The following DAB1 variants were observed in gnomAD, a reference collection of about 807,000 sequenced individuals.
DAB1 encodes disabled homolog 1.
Under a neutral mutation model 64.6 loss-of-function variants are expected in DAB1, and 15 were observed. That is an observed-to-expected ratio of 0.23 (90% CI 0.16 to 0.36). The LOEUF (loss-of-function observed/expected upper bound fraction) is 0.36, where lower values mean the gene tolerates loss of function less well. DAB1 is among the 10% of genes least tolerant of loss of function. The pLI, the probability that DAB1 is intolerant of heterozygous loss-of-function variation, is 1.00. For synonymous variants in DAB1, 235 were observed against 251.9 expected, an observed-to-expected ratio of 0.93 and a Z score of 0.64; for missense variants, 596 against 706.7, an observed-to-expected ratio of 0.84 and a Z score of 1.78.
chr1:57,955,420 A>G (rs533308319), intron 5 of DAB1, among the ~76,000 whole-genome samples: 1 of 152,338 alleles, frequency 6.6e-6, no homozygotes, highest in East Asian at 1.9e-4. Flanking sequence ...CTGTCAGTCA[A>G]GCCCACATGC....
intron 3 of DAB1, among the ~76,000 whole-genome samples, chr1:58,384,513 T>A (rs909524712): frequency 6.6e-6 from 1 of 152,050 alleles, no homozygotes; most frequent in African/African-American, 2.4e-5. Flanking sequence ...GTATGATGAG[T>A]CAGGGTTCTC....
At chr1:57,339,231 C>T (rs1039621347) in intron 1 of DAB1, among the ~76,000 whole-genome samples, 9 of 151,732 alleles carry the variant, frequency 5.9e-5, no homozygotes, top group Non-Finnish European at 1.2e-4. Context: ...TCTCTGCTCA[C>T]GGCAAGCTCC....
intron 3 of DAB1, among the ~76,000 whole-genome samples, chr1:58,406,525 A>C (rs1644616716): frequency 6.6e-6 from 1 of 152,150 alleles, no homozygotes; most frequent in African/African-American, 2.4e-5. Flanking sequence ...TCACGAGAGG[A>C]ACTTCTGAGA....
chr1:57,327,391 G>A (rs1158377199), intron 1 of DAB1, among the ~76,000 whole-genome samples: 3 of 152,108 alleles, frequency 2.0e-5, no homozygotes, highest in Non-Finnish European at 2.9e-5. Context: ...ACACACCACC[G>A]TTCTGCAGCA....
At chr1:58,458,898 A>G (rs538596097) in intron 3 of DAB1, among the ~76,000 whole-genome samples, 62 of 152,144 alleles carry the variant, frequency 4.1e-4, no homozygotes, top group Non-Finnish European at 6.0e-4. Context: ...GGTTTTTTTA[A>G]CCTCTCTGAG....
At chr1:57,605,795 A>AT (rs11327517) in intron 7 of DAB1, 40 of 338,418 alleles carry the variant, frequency 1.2e-4, no homozygotes, top group African/African-American at 4.4e-4. Context: ...CATGATTTGC[A>AT]TTTTTTTTTT....
Position 57,105,177 on chromosome 1 carries a change from T to C in DAB1, c.306+31366A>G, listed in dbSNP as rs373217312. Among the ~76,000 whole-genome samples, 6 of 152,168 alleles carry C rather than the reference T, an allele frequency of 3.9e-5. No individual in the cohort carries two copies. The South Asian group carries it at 1.2e-3, about 32-fold the overall frequency. On this transcript the variant is annotated intron_variant, in intron 4 of 14. Coordinates refer to ENST00000371236, the MANE Select transcript of DAB1 (RefSeq NM_001365792.1). The stretch of plus-strand genomic sequence containing the variant: ...TCTTTGTAGGCAAATCTGGATATTT[T>C]ACAAATTCTTTTCCTTCCATCTAGT...
intron 7 of DAB1, among the ~76,000 whole-genome samples, chr1:57,597,836 A>T: frequency 6.6e-6 from 1 of 152,188 alleles, no homozygotes; most frequent in East Asian, 1.9e-4. Context: ...CAGCAAACTA[A>T]TTTTTTTAAG....
chr1:57,926,053 G>A (rs1170260807), intron 5 of DAB1, among the ~76,000 whole-genome samples: 1 of 152,170 alleles, frequency 6.6e-6, no homozygotes, highest in African/African-American at 2.4e-5. Context: ...TGTGATAGCT[G>A]AAGCATGTTC....
chr1:58,300,664 G>T (rs1662146407), intron 4 of DAB1, among the ~76,000 whole-genome samples: 1 of 125,774 alleles, frequency 8.0e-6, no homozygotes, highest in Admixed American at 7.7e-5. Context: ...AAGGAAGGAA[G>T]GAAGGAAGGA....
At chr1:58,397,643 CAT>C (rs1175111528) in intron 3 of DAB1, among the ~76,000 whole-genome samples, 1 of 152,220 alleles carries the variant, frequency 6.6e-6, no homozygotes, top group Non-Finnish European at 1.5e-5. Context: ...CAGCTTGACT[CAT>C]AGCATTCCTG....
intron 7 of DAB1, among the ~76,000 whole-genome samples, chr1:57,640,838 G>C (rs1298140771): frequency 2.0e-5 from 3 of 152,326 alleles, no homozygotes; most frequent in Middle Eastern, 3.4e-3. Context: ...TAGAGCTGCA[G>C]AGAAGTAAAG....
At chr1:58,253,643 A>G (rs534483362) in intron 4 of DAB1, among the ~76,000 whole-genome samples, 1 of 152,336 alleles carries the variant, frequency 6.6e-6, no homozygotes, top group Admixed American at 6.5e-5. Flanking sequence ...TTGAAGGGAA[A>G]TGATCATCCC....
chr1:57,067,161 G>A (rs866180985), intron 8 of DAB1, among the ~76,000 whole-genome samples: 1 of 152,132 alleles, frequency 6.6e-6, no homozygotes, highest in Admixed American at 6.5e-5. Context: ...CCAATAGAAG[G>A]AGATAAAATA....
At chr1:57,874,277 A>G (rs1431571025) in intron 1 of DAB1, 1 of 152,218 alleles carries the variant, frequency 6.6e-6, no homozygotes, top group Non-Finnish European at 1.5e-5. Context: ...AACAAGACCA[A>G]AAGAAAGCAG....
chr1:57,807,261 C>T (rs1490424733), intron 6 of DAB1, among the ~76,000 whole-genome samples: 1 of 152,098 alleles, frequency 6.6e-6, no homozygotes, highest in Non-Finnish European at 1.5e-5. Flanking sequence ...TTCCCTTTAC[C>T]TCAGATCTGG....
chr1:57,257,132 C>A (rs1041370541), intron 2 of DAB1, among the ~76,000 whole-genome samples: 1 of 152,138 alleles, frequency 6.6e-6, no homozygotes, highest in African/African-American at 2.4e-5. Flanking sequence ...AAATAATAAA[C>A]CCCTCTTGGC....
intron 2 of DAB1, among the ~76,000 whole-genome samples, chr1:57,252,964 G>C (rs1669464837): frequency 6.6e-6 from 1 of 152,206 alleles, no homozygotes; most frequent in Non-Finnish European, 1.5e-5. Context: ...TCTGATGGGA[G>C]AAAGAGGCCA....
intron 1 of DAB1, among the ~76,000 whole-genome samples, chr1:57,368,569 A>G (rs1680247863): frequency 6.6e-6 from 1 of 152,140 alleles, no homozygotes; most frequent in South Asian, 2.1e-4. Context: ...AGTGCTCCAG[A>G]GATGATGGGA....
Sources: gnomAD v4.1 joint callset for allele counts (sites outside exome capture counted in the v4.1 genomes callset) on GRCh38, gnomAD v4.1.1 for gene constraint, MANE v1.5 for transcripts, NCBI Gene and HGNC (gene_info 2026-07-23, HGNC 2026-07-21) for gene names.